The following HMGCS2 variants were observed in gnomAD, a reference collection of about 807,000 sequenced individuals.
The protein encoded by HMGCS2 is hydroxymethylglutaryl-CoA synthase, mitochondrial.
Under a neutral mutation model 57.4 loss-of-function variants are expected in HMGCS2, and 50 were observed. That is an observed-to-expected ratio of 0.87 (90% confidence interval 0.69 to 1.10). HMGCS2 has a LOEUF of 1.10. Among genes scored for constraint, HMGCS2 ranks in the 50% least tolerant of loss-of-function variants. The pLI is 0.00. For missense variants in HMGCS2, 627 were observed against 636.5 expected, an observed-to-expected ratio of 0.99 and a Z score of 0.16; for synonymous variants, 254 against 245.1, an observed-to-expected ratio of 1.04 and a Z score of -0.34.
In HMGCS2 at chr1:119,753,421, AC is replaced by A; in HGVS notation, c.1188-36del. 2.5e-6 allele frequency: 2 copies of A among 788,968 alleles called. 1 individual carries two copies. The highest frequency in any genetic ancestry group is 2.8e-5 in the South Asian group (2 of 71,274). The allele number at this position is 788,968 out of a possible 1,614,324, so 48.9% of individuals were successfully genotyped here. A position where few individuals can be genotyped will look rare whatever the true frequency, so the allele number is the denominator to read the frequency against. On this transcript the variant is annotated intron_variant, in intron 6 of 9. Coordinates refer to ENST00000369406, the MANE Select transcript of HMGCS2 (RefSeq NM_005518.4). ...AAGAAATCAAATAAAACACACACACACACACACACACACACACACACACACA... is the reference window on the plus strand; with the variant it reads ...AAGAAATCAAATAAAACACACACACAACACACACACACACACACACACACA...
intron 2 of HMGCS2, among the ~76,000 whole-genome samples, chr1:119,760,227 C>A (rs1347838649): frequency 2.0e-5 from 3 of 152,232 alleles, no homozygotes; most frequent in Non-Finnish European, 4.4e-5. Flanking sequence ...CTGTCTCTGA[C>A]TTCAGTGAAA....
intron 3 of HMGCS2, 166 bp from the exon 4 acceptor site, chr1:119,759,448 T>G: frequency 1.4e-6 from 1 of 715,002 alleles, no homozygotes; most frequent in Admixed American, 2.2e-5. Context: ...TTGGACAGGT[T>G]GTTGGTATTA....
Position 119,748,283 on chromosome 1 carries a change from G to A in HMGCS2, c.*564C>T, listed in dbSNP as rs1571026476. ...TTGCAAGGGGACAGAGGCAGCCTGT[G>A]AGGCAAGGACCCAGCCCTCTGACCC... is the stretch of plus-strand genomic sequence containing the variant. On this transcript the variant is annotated 3_prime_UTR_variant, in exon 10 of 10. Transcript: ENST00000369406. 6.6e-6 allele frequency: 1 copy of A among 152,348 alleles called. No homozygotes were observed. The highest frequency in any genetic ancestry group is 1.9e-4 in the East Asian group (1 of 5,186). The allele number at this position is 152,348 out of a possible 1,614,324, so 9.4% of individuals were successfully genotyped here.
At chr1:119,751,261 A>G (rs1322837144) in intron 8 of HMGCS2, among the ~76,000 whole-genome samples, 1 of 152,184 alleles carries the variant, frequency 6.6e-6, no homozygotes, top group Non-Finnish European at 1.5e-5. Flanking sequence ...GTTTCCTAAC[A>G]GACACGTCCT....
intron 2 of HMGCS2, among the ~76,000 whole-genome samples, 192 bp from the exon 3 acceptor site, chr1:119,760,181 C>G (rs1652993623): frequency 6.6e-6 from 1 of 152,176 alleles, no homozygotes; most frequent in Admixed American, 6.5e-5. Context: ...AATTTAGTGT[C>G]CTGACACTCT....
Position 119,750,843 on chromosome 1 carries a change from C to A in HMGCS2, c.1486G>T (p.Asp496Tyr), listed in dbSNP as rs1652632697. Residue 496 changes from aspartate to tyrosine, a missense_variant, in exon 9 of 10, where the codon GAC becomes TAC. Coordinates refer to ENST00000369406, the MANE Select transcript of HMGCS2 (RefSeq NM_005518.4). ...GCATACTTTCGGCGATGCTGCTCGT[C>A]CACTCGCTCCAGGTACCAAGTACCT... ...FPGTWYLERV[D>Y]EQHRRKYARR... is the part of the protein sequence containing the mutation. The A allele has an allele frequency of 3.1e-6, 5 of 1,614,032 alleles. No homozygotes were observed. The highest frequency in any genetic ancestry group is 4.2e-6 in the Non-Finnish European group (5 of 1,179,958).
In HMGCS2 at chr1:119,759,156, G is replaced by A; in HGVS notation, c.812C>T (p.Thr271Ile). 1 of 1,614,164 alleles carries A rather than the reference G, an allele frequency of 6.2e-7. No homozygotes were observed. Among genetic ancestry groups the A allele is most frequent in the South Asian group, 1.1e-5 (1 of 91,086 alleles). The change falls in exon 4 of 10, where the codon ACA (threonine) becomes ATA (isoleucine). Residue 271 changes from threonine (T) to isoleucine (I), a missense_variant. Physicochemically the swap from Thr to Ile is moderately conservative, Grantham distance 89 (BLOSUM62 -1). Coordinates refer to ENST00000369406, the MANE Select transcript of HMGCS2 (RefSeq NM_005518.4). ...CYLRALDRCY[T>I]SYRKKIQNQW... Reference sequence around the variant, plus strand: ...ATTCTGGATTTTTTTACGGTATGATGTGTAACATCGATCCAAGGCCCGCAA... The same window carrying A: ...ATTCTGGATTTTTTTACGGTATGATATGTAACATCGATCCAAGGCCCGCAA...
chr1:119,768,707 C>G (rs1393310106), intron 1 of HMGCS2, 34 bp downstream of exon 1: 1 of 1,443,818 alleles, frequency 6.9e-7, no homozygotes, highest in Admixed American at 1.7e-5. Context: ...CTATCTTTTA[C>G]TAGTTACAAG....
chr1:119,749,019 T>C (rs1367065059), intron 9 of HMGCS2, among the ~76,000 whole-genome samples, 178 bp from the exon 10 acceptor site: 1 of 152,158 alleles, frequency 6.6e-6, no homozygotes, highest in African/African-American at 2.4e-5. Flanking sequence ...TGCCCAATGC[T>C]ACTGGAGCCA....
In HMGCS2 at chr1:119,757,402, T is replaced by C. The variant is rs865947488; in HGVS notation, c.887A>G (p.Gln296Arg). 5.0e-6 allele frequency: 8 copies of C among 1,614,158 alleles called. No individual in the cohort carries two copies. The highest frequency in any genetic ancestry group is 1.6e-4 in the Middle Eastern group (1 of 6,062). Residue 296 changes from glutamine (Q) to arginine (R), a missense_variant, in exon 5 of 10, where the codon CAG becomes CGG. Coordinates refer to ENST00000369406, the MANE Select transcript of HMGCS2 (RefSeq NM_005518.4). ...AAAGGGTGTATGAAAGATCATGTAC[T>C]GTAAATCGTCAAGGGTGAAGGGTCG... Reference protein sequence around the residue: ...SDRPFTLDDLQYMIFHTPFCK... With the variant: ...SDRPFTLDDLRYMIFHTPFCK...
intron 4 of HMGCS2, 121 bp from the exon 5 acceptor site, chr1:119,757,559 T>C (rs1652890373): frequency 3.3e-6 from 5 of 1,498,192 alleles, no homozygotes; most frequent in Non-Finnish European, 4.5e-6. Context: ...TCCCACCTCC[T>C]GCAAACACAT....
At chr1:119,755,254 C>T (rs587682447) in intron 6 of HMGCS2, among the ~76,000 whole-genome samples, 173 bp downstream of exon 6, 16 of 152,292 alleles carry the variant, frequency 1.1e-4, no homozygotes, top group East Asian at 7.7e-4. Flanking sequence ...GCGATCTGCC[C>T]GCCTAAACCT....
At chr1:119,753,410 AACACACACACAC>A (rs71074435) in intron 6 of HMGCS2, 24 bp from the exon 7 acceptor site, 51 of 747,146 alleles carry the variant, frequency 6.8e-5, no homozygotes, top group East Asian at 2.5e-4. Context: ...AATCAAATAA[AACACACACACAC>A]ACACACACAC....
rs138948400 is a variant in HMGCS2, at chr1:119,760,032, T to C, written c.560-43A>G. 1.7e-3 allele frequency: 2,633 copies of C among 1,590,518 alleles called. 38 individuals are homozygous for C. The African/African-American group carries it at 0.03, about 18-fold the overall frequency. On this transcript the variant is annotated intron_variant, in intron 2 of 9. Transcript: ENST00000369406. ...AAATATTTACCATCATTACCAAATC[T>C]AGAGTAGACTGAGTGCCTACTGTGT... is the stretch of plus-strand genomic sequence containing the variant.
At chr1:119,765,573 T>C (rs1653199326) in intron 1 of HMGCS2, among the ~76,000 whole-genome samples, 1 of 152,258 alleles carries the variant, frequency 6.6e-6, no homozygotes, top group Non-Finnish European at 1.5e-5. Context: ...GTAATCTTAC[T>C]TAAATTAATA....
intron 1 of HMGCS2, 100 bp downstream of exon 1, chr1:119,768,641 G>T: frequency 1.1e-6 from 1 of 878,892 alleles, no homozygotes; most frequent in Non-Finnish European, 1.9e-6. Flanking sequence ...CTGTGCACAA[G>T]CCTTGCCAAA....
chr1:119,757,418 T>A lies in HMGCS2; in HGVS notation c.871A>T (p.Thr291Ser), dbSNP rs148892048. Residue 291 changes from threonine (T) to serine (S), a missense_variant, in exon 5 of 10, where the codon ACC becomes TCC. Transcript: ENST00000369406. Reference protein sequence around the residue: ...WKQAGSDRPFTLDDLQYMIFH... With the variant: ...WKQAGSDRPFSLDDLQYMIFH... ...ATCATGTACTGTAAATCGTCAAGGGTGAAGGGTCGATCGCTGCCAGCTGGA... is the reference window on the plus strand; with the variant it reads ...ATCATGTACTGTAAATCGTCAAGGGAGAAGGGTCGATCGCTGCCAGCTGGA... The A allele has an allele frequency of 6.2e-7, 1 of 1,613,802 alleles. No homozygotes were observed. Among genetic ancestry groups the A allele is most frequent in the African/African-American group, 1.3e-5 (1 of 74,898 alleles).
chr1:119,763,775 A>G (rs1269398769), intron 2 of HMGCS2, among the ~76,000 whole-genome samples: 3 of 152,204 alleles, frequency 2.0e-5, no homozygotes, highest in Non-Finnish European at 2.9e-5. Flanking sequence ...ACTTGCATAC[A>G]TCTTTCAACA....
At chr1:119,751,672 G>A (rs587724465) in intron 8 of HMGCS2, among the ~76,000 whole-genome samples, 69 of 152,110 alleles carry the variant, frequency 4.5e-4, no homozygotes, top group African/African-American at 1.5e-3. Flanking sequence ...CCTCCCAAAG[G>A]ACTAGCATTA....
Sources: allele counts gnomAD v4.1 joint callset (sites outside exome capture counted in the v4.1 genomes callset), GRCh38; gene constraint gnomAD v4.1.1; transcripts MANE v1.5; gene names NCBI Gene and HGNC (gene_info 2026-07-23, HGNC 2026-07-21).